The following VAX2 variants were observed in gnomAD, a reference collection of about 807,000 sequenced individuals.
The protein encoded by VAX2 is ventral anterior homeobox 2.
A neutral mutation model predicts 12.5 loss-of-function variants in VAX2; 8 were observed. The observed-to-expected ratio is 0.64, with a 90% CI of 0.37 to 1.15. The LOEUF (loss-of-function observed/expected upper bound fraction) is 1.15, where lower values mean the gene tolerates loss of function less well. Ranked by LOEUF, VAX2 falls within the 50% of genes most tolerant of loss-of-function variation. The pLI is 0.01. For synonymous variants in VAX2, 183 were observed against 187.6 expected, an observed-to-expected ratio of 0.98 and a Z score of 0.20; for missense variants, 476 against 412.9, an observed-to-expected ratio of 1.15 and a Z score of -1.32.
intron 1 of VAX2, among the ~76,000 whole-genome samples, chr2:70,913,455 G>A (rs942306572): frequency 1.3e-5 from 2 of 152,176 alleles, no homozygotes; most frequent in Non-Finnish European, 2.9e-5. Context: ...GCTGAGGCGG[G>A]GGGATCACTT....
At chr2:70,907,861 A>G (rs1174665122) in intron 1 of VAX2, among the ~76,000 whole-genome samples, 1 of 152,244 alleles carries the variant, frequency 6.6e-6, no homozygotes, top group Non-Finnish European at 1.5e-5. Context: ...ACTATATTTC[A>G]TAGGCTGTTT....
intron 2 of VAX2, among the ~76,000 whole-genome samples, chr2:70,926,056 T>C (rs1679564557): frequency 6.6e-6 from 1 of 151,964 alleles, no homozygotes; most frequent in Non-Finnish European, 1.5e-5. Context: ...CCCATTTCCA[T>C]GGCTAGTCTC....
Position 70,915,509 on chromosome 2 carries a change from C to T in VAX2, c.248-5589C>T, listed in dbSNP as rs369350784. ...CCTCCCAAAGTGCTGGGATTACAGGCGTGAGCCACCACGCCTAGCCTACAG... is the reference window on the plus strand; with the variant it reads ...CCTCCCAAAGTGCTGGGATTACAGGTGTGAGCCACCACGCCTAGCCTACAG... On this transcript the variant is annotated intron_variant, in intron 1 of 2. Transcript: ENST00000234392. 2.8e-3 allele frequency among the ~76,000 whole-genome samples: 426 copies of T among 152,220 alleles called. 3 individuals are homozygous for T. Among genetic ancestry groups the T allele is most frequent in the African/African-American group, 9.6e-3 (400 of 41,544 alleles).
chr2:70,916,765 T>C (rs1679314423), intron 1 of VAX2, among the ~76,000 whole-genome samples: 1 of 152,150 alleles, frequency 6.6e-6, no homozygotes, highest in East Asian at 1.9e-4. Flanking sequence ...CATTCACCCA[T>C]TGAAGGACAT....
Position 70,900,629 on chromosome 2 carries a change from AT to A in VAX2, c.9del (p.Asp3GlufsTer137). On this transcript the variant is annotated frameshift_variant, in exon 1 of 3. Coordinates refer to ENST00000234392, the MANE Select transcript of VAX2 (RefSeq NM_012476.3). LOFTEE classifies it high-confidence loss of function. ...TTGGCAGTGGCGGTCAGCATGGGCG[AT>A]GGGGGCGCCGAGCGCGACCGGGGCC... MG[D>X]GGAERDRGPA... The A allele has an allele frequency of 7.9e-7, 1 of 1,269,130 alleles. No individual in the cohort carries two copies. The highest frequency in any genetic ancestry group is 9.9e-7 in the Non-Finnish European group (1 of 1,007,670). The allele number at this position is 1,269,130 out of a possible 1,614,324, so 78.6% of individuals were successfully genotyped here.
At chr2:70,920,668 C>T (rs1334496681) in intron 1 of VAX2, among the ~76,000 whole-genome samples, 1 of 151,888 alleles carries the variant, frequency 6.6e-6, no homozygotes, top group East Asian at 1.9e-4. Context: ...CACACACACA[C>T]GCACAGCTTA....
intron 2 of VAX2, among the ~76,000 whole-genome samples, chr2:70,925,830 C>G (rs1166034287): frequency 6.6e-6 from 1 of 152,180 alleles, no homozygotes; most frequent in African/African-American, 2.4e-5. Flanking sequence ...AGAACTTCCT[C>G]CCAGTGCTCT....
At chr2:70,919,230 C>CAA (rs571460115) in intron 1 of VAX2, among the ~76,000 whole-genome samples, 1,957 of 53,474 alleles carry the variant, frequency 0.037, 38 homozygotes, top group Admixed American at 0.081. Flanking sequence ...TGTGTCTCCA[C>CAA]AAAAAAAAAA....
chr2:70,901,363 C>A (rs1421513838), intron 1 of VAX2, among the ~76,000 whole-genome samples: 25 of 152,376 alleles, frequency 1.6e-4, no homozygotes, highest in African/African-American at 5.8e-4. Context: ...CAATCGGGAC[C>A]CGCACGGATT....
chr2:70,910,562 A>T (rs879959528), intron 1 of VAX2, among the ~76,000 whole-genome samples: 4 of 152,074 alleles, frequency 2.6e-5, no homozygotes, highest in Non-Finnish European at 5.9e-5. Flanking sequence ...TGACAGAATA[A>T]TCTCATTTTA....
At chr2:70,929,210 A>G (rs910472976) in intron 2 of VAX2, among the ~76,000 whole-genome samples, 2 of 152,138 alleles carry the variant, frequency 1.3e-5, no homozygotes, top group Non-Finnish European at 2.9e-5. Context: ...TCTTCTTCAA[A>G]TGTCCCCTCT....
At chr2:70,921,878 C>A (rs953374897) in intron 2 of VAX2, among the ~76,000 whole-genome samples, 2 of 152,112 alleles carry the variant, frequency 1.3e-5, no homozygotes, top group South Asian at 4.1e-4. Context: ...TAAGCACCTA[C>A]CCTGTATGAA....
intron 1 of VAX2, among the ~76,000 whole-genome samples, chr2:70,905,303 G>C (rs1236938788): frequency 3.3e-5 from 5 of 152,064 alleles, no homozygotes; most frequent in Non-Finnish European, 7.4e-5. Flanking sequence ...TTTATTTTTT[G>C]GTTTTAGCAT....
chr2:70,900,985 G>T (rs545243437), intron 1 of VAX2, 117 bp downstream of exon 1: 27 of 1,050,494 alleles, frequency 2.6e-5, no homozygotes, highest in Non-Finnish European at 3.7e-6. Context: ...TCGTCATCCA[G>T]TCATTCATTC....
chr2:70,918,518 G>A lies in VAX2; in HGVS notation c.248-2580G>A, dbSNP rs990282963. Among the ~76,000 whole-genome samples, 3 of 152,154 alleles carry A rather than the reference G, an allele frequency of 2.0e-5. No homozygotes were observed. In the East Asian group the frequency reaches 5.8e-4, roughly 29 times the overall value. On this transcript the variant is annotated intron_variant, in intron 1 of 2. Coordinates refer to ENST00000234392, the MANE Select transcript of VAX2 (RefSeq NM_012476.3). Reference sequence around the variant, plus strand: ...GCTCTTTCCATTATGTTCTCTAGGGGAATGATGAACCCATCCAGAAGATTC... The same window carrying A: ...GCTCTTTCCATTATGTTCTCTAGGGAAATGATGAACCCATCCAGAAGATTC...
At chr2:70,901,246 G>A (rs1553409732) in intron 1 of VAX2, among the ~76,000 whole-genome samples, 2 of 152,364 alleles carry the variant, frequency 1.3e-5, no homozygotes, top group East Asian at 3.9e-4. Flanking sequence ...GCGGGGACAG[G>A]ACGTGGAGGG....
At chr2:70,914,268 T>A (rs1679259112) in intron 1 of VAX2, among the ~76,000 whole-genome samples, 1 of 152,130 alleles carries the variant, frequency 6.6e-6, no homozygotes, top group African/African-American at 2.4e-5. Context: ...GCCAACATGG[T>A]GAAACCCTGT....
intron 2 of VAX2, among the ~76,000 whole-genome samples, chr2:70,929,443 C>G (rs1282102398): frequency 6.7e-6 from 1 of 150,166 alleles, no homozygotes; most frequent in Non-Finnish European, 1.5e-5. Flanking sequence ...AATCCCAGCA[C>G]TTTAGGAGGC....
At chr2:70,929,895 G>A (rs1263010811) in intron 2 of VAX2, among the ~76,000 whole-genome samples, 2 of 152,044 alleles carry the variant, frequency 1.3e-5, no homozygotes, top group African/African-American at 4.8e-5. Context: ...CAACTCCACC[G>A]CCCACTCCAC....
Sources: allele counts gnomAD v4.1 joint callset (sites outside exome capture counted in the v4.1 genomes callset), GRCh38; gene constraint gnomAD v4.1.1; transcripts MANE v1.5; gene names NCBI Gene and HGNC (gene_info 2026-07-23, HGNC 2026-07-21).